Variants in WWP1 observed in about 807,000 individuals in gnomAD.
The protein encoded by WWP1 is WW domain containing E3 ubiquitin protein ligase 1, also known as NEDD4-like E3 ubiquitin-protein ligase WWP1.
Under a neutral mutation model 130.6 loss-of-function variants are expected in WWP1, and 49 were observed. The observed-to-expected ratio is 0.38, with a 90% confidence interval of 0.30 to 0.48. The LOEUF (loss-of-function observed/expected upper bound fraction) is 0.48. WWP1 is among the 20% of genes least tolerant of loss of function. WWP1 has a pLI of 0.99. For synonymous variants in WWP1, 332 were observed against 367.8 expected, an observed-to-expected ratio of 0.90 and a Z score of 1.11; for missense variants, 809 against 1,100.6, an observed-to-expected ratio of 0.74 and a Z score of 3.75.
At position 86,360,482 on chromosome 8, in the gene WWP1, G is replaced by C. The variant is rs930303493; in HGVS notation, c.-114-8457G>C. On this transcript the variant is annotated intron_variant, in intron 1 of 24. Transcript: ENST00000517970. ...TGCTGTCCAGACTGTTAGTCCTGGG[G>C]TTACCTAGGTTCTGCCCCCTATGCA... 9.2e-5 allele frequency among the ~76,000 whole-genome samples: 14 copies of C among 152,144 alleles called. No homozygotes were observed. In the South Asian group the frequency reaches 1.5e-3, roughly 16 times the overall value.
At chr8:86,411,207 G>A (rs762052520) in intron 8 of WWP1, among the ~76,000 whole-genome samples, 11 of 152,116 alleles carry the variant, frequency 7.2e-5, no homozygotes, top group Non-Finnish European at 8.8e-5. Context: ...AGTTTAGATG[G>A]CCCATACAGA....
Position 86,372,362 on chromosome 8 carries a change from G to C in WWP1, c.-21-1668G>C, listed in dbSNP as rs1563474410. 9.2e-5 allele frequency among the ~76,000 whole-genome samples: 14 copies of C among 152,298 alleles called. No individual in the cohort carries two copies. The South Asian group carries it at 2.5e-3, about 27-fold the overall frequency. ...TTTAGTAGAGACAGGTTTTCGCCGT[G>C]TTGGCCAGGCGGGTCTTGAACTCCT... On this transcript the variant is annotated intron_variant, in intron 2 of 24. Coordinates refer to ENST00000517970, the MANE Select transcript of WWP1 (RefSeq NM_007013.4).
At position 86,398,634 on chromosome 8, in the gene WWP1, G is replaced by A; in HGVS notation, c.535G>A (p.Ala179Thr). The change falls in exon 7 of 25, where the codon GCC (alanine) becomes ACC (threonine). Residue 179 changes from alanine to threonine, a missense_variant. By Grantham distance (58) the Ala-to-Thr change is moderately conservative. Transcript: ENST00000517970. ...ENGEPSARTT[A>T]RLAVEGTNGI... ...TGGAGAGCCTTCAGCAAGGACAACT[G>A]CCAGGTAGAATATTTTATTTGAATA... The A allele has an allele frequency of 6.2e-7, 1 of 1,611,862 alleles. No individual in the cohort carries two copies. The highest frequency in any genetic ancestry group is 2.2e-5 in the East Asian group (1 of 44,820).
chr8:86,414,679 G>A (rs983145984), intron 9 of WWP1, among the ~76,000 whole-genome samples: 9 of 152,136 alleles, frequency 5.9e-5, no homozygotes, highest in Admixed American at 4.6e-4. Context: ...TGATTGTAAT[G>A]TACAGCCAAG....
intron 21 of WWP1, among the ~76,000 whole-genome samples, chr8:86,452,959 T>G (rs1401455784): frequency 2.0e-5 from 3 of 152,142 alleles, no homozygotes; most frequent in African/African-American, 4.8e-5. Flanking sequence ...TTCTGAAATT[T>G]CAGTTTAGTA....
At chr8:86,365,444 TAAAGTC>T (rs1823916941) in intron 1 of WWP1, among the ~76,000 whole-genome samples, 1 of 152,176 alleles carries the variant, frequency 6.6e-6, no homozygotes, top group Non-Finnish European at 1.5e-5. Flanking sequence ...ACACCCAAAT[TAAAGTC>T]AGAGGCTAAA....
intron 24 of WWP1, among the ~76,000 whole-genome samples, chr8:86,462,140 CACAAATGA>C (rs1811803393): frequency 6.6e-6 from 1 of 152,000 alleles, no homozygotes. Flanking sequence ...CATGGTGGGG[CACAAATGA>C]CAAACAGATA....
intron 18 of WWP1, 78 bp from the exon 19 acceptor site, chr8:86,448,070 G>T (rs886692269): frequency 1.0e-5 from 13 of 1,281,276 alleles, no homozygotes; most frequent in Admixed American, 8.9e-5. Flanking sequence ...GAAGTCTCAT[G>T]ATTTTTCTTT....
At chr8:86,390,026 T>A (rs997724912) in intron 5 of WWP1, among the ~76,000 whole-genome samples, 16 of 139,480 alleles carry the variant, frequency 1.1e-4, no homozygotes, top group Non-Finnish European at 2.5e-4. Context: ...GGGGTGGCGG[T>A]CTGGCAGAGA....
At chr8:86,368,181 A>G (rs1440452235) in intron 1 of WWP1, among the ~76,000 whole-genome samples, 6 of 152,194 alleles carry the variant, frequency 3.9e-5, no homozygotes, top group Admixed American at 2.6e-4. Context: ...AGTGTTTTAC[A>G]TGTATTATCT....
At chr8:86,462,973 GTTT>G (rs952249996) in intron 24 of WWP1, among the ~76,000 whole-genome samples, 1 of 151,926 alleles carries the variant, frequency 6.6e-6, no homozygotes, top group African/African-American at 2.4e-5. Context: ...TTGAGTATAT[GTTT>G]TTTTAACATT....
rs547060922 is a variant in WWP1, at chr8:86,468,049, T to A, written c.*1156T>A. The A allele has an allele frequency of 2.5e-5, 4 of 159,040 alleles. No individual in the cohort carries two copies. In the East Asian group the frequency reaches 7.4e-4, roughly 30 times the overall value. 9.9% of individuals were successfully genotyped at this position (159,040 alleles called of 1,614,324 possible). A position where few individuals can be genotyped will look rare whatever the true frequency, so the allele number is the denominator to read the frequency against. On this transcript the variant is annotated 3_prime_UTR_variant, in exon 25 of 25. Transcript: ENST00000517970. ...AGGGGCCTTTGCTGAACTACAAAAA[T>A]GTGTAACAAATTAAAATCTGATGTG...
At chr8:86,381,987 T>C (rs1825010905) in intron 5 of WWP1, among the ~76,000 whole-genome samples, 1 of 152,142 alleles carries the variant, frequency 6.6e-6, no homozygotes. Flanking sequence ...TAAAATAAAT[T>C]GTAACTCTTA....
chr8:86,371,796 G>A (rs993408366), intron 2 of WWP1, among the ~76,000 whole-genome samples: 1 of 151,754 alleles, frequency 6.6e-6, no homozygotes, highest in Non-Finnish European at 1.5e-5. Flanking sequence ...TCTTTATGAT[G>A]TCCTGATGAA....
In WWP1 at chr8:86,369,800, G is replaced by C. The variant is rs185698607; in HGVS notation, c.-22+769G>C. On this transcript the variant is annotated intron_variant, in intron 2 of 24. Coordinates refer to ENST00000517970, the MANE Select transcript of WWP1 (RefSeq NM_007013.4). Reference sequence around the variant, plus strand: ...GAAGACTAAATGCTGTCTGAAAGCTGTATCTGTCCTTCTTTTGCATCACAG... The same window carrying C: ...GAAGACTAAATGCTGTCTGAAAGCTCTATCTGTCCTTCTTTTGCATCACAG... 1.7e-3 allele frequency among the ~76,000 whole-genome samples: 257 copies of C among 152,140 alleles called. 1 individual carries two copies. The highest frequency in any genetic ancestry group is 5.9e-3 in the African/African-American group (243 of 41,516).
chr8:86,429,338 C>T (rs957115873), intron 11 of WWP1, among the ~76,000 whole-genome samples: 5 of 152,158 alleles, frequency 3.3e-5, no homozygotes, highest in Admixed American at 2.6e-4. Context: ...TTTATGGCCA[C>T]GTTTCTACCT....
chr8:86,433,229 C>CTTT (rs11321240), intron 14 of WWP1, among the ~76,000 whole-genome samples: 52 of 119,038 alleles, frequency 4.4e-4, no homozygotes, highest in African/African-American at 7.4e-4. Flanking sequence ...TCCTAAGCCT[C>CTTT]TTTTTTTTTT....
chr8:86,454,305 A>C (rs1228097360), intron 21 of WWP1, among the ~76,000 whole-genome samples: 1 of 151,764 alleles, frequency 6.6e-6, no homozygotes, highest in Non-Finnish European at 1.5e-5. Context: ...ATTTTTTTTA[A>C]TTGTCATATT....
At chr8:86,367,113 A>G (rs1328032970) in intron 1 of WWP1, among the ~76,000 whole-genome samples, 1 of 152,208 alleles carries the variant, frequency 6.6e-6, no homozygotes, top group Non-Finnish European at 1.5e-5. Flanking sequence ...TTATTGAACT[A>G]AACTGCTCTG....
Sources: allele counts gnomAD v4.1 joint callset (sites outside exome capture counted in the v4.1 genomes callset), GRCh38; gene constraint gnomAD v4.1.1; transcripts MANE v1.5; gene names NCBI Gene and HGNC (gene_info 2026-07-23, HGNC 2026-07-21).